The following ANKHD1 variants were observed in gnomAD, a reference collection of about 807,000 sequenced individuals.
The protein encoded by ANKHD1 is ankyrin repeat and KH domain containing 1.
ANKHD1 carries 31 observed loss-of-function variants against 230.5 expected under a neutral mutation model. The ratio of observed to expected loss-of-function variants is 0.13; its 90% CI spans 0.10 to 0.18. The LOEUF is 0.18. Among genes scored for constraint, ANKHD1 ranks in the 10% least tolerant of loss-of-function variants. The pLI, the probability that ANKHD1 is intolerant of heterozygous loss-of-function variation, is 1.00. For synonymous variants in ANKHD1, 1,074 were observed against 1,117.6 expected, an observed-to-expected ratio of 0.96 and a Z score of 0.78; for missense variants, 2,256 against 3,071.3, an observed-to-expected ratio of 0.73 and a Z score of 6.27.
At position 140,537,444 on chromosome 5, in the gene ANKHD1, T is replaced by A. The variant is rs754582350; in HGVS notation, c.7083T>A (p.Asp2361Glu). The A allele has an allele frequency of 6.2e-7, 1 of 1,614,112 alleles. No homozygotes were observed. The highest frequency in any genetic ancestry group is 8.5e-7 in the Non-Finnish European group (1 of 1,180,020). ...CAAAAGGAGTCAGTGCCAGTCAAGA[T>A]CGAAAGATACCTCCCCCAATTGGAA... ...GQPKGVSASQ[D>E]RKIPPPIGTE... The change falls in exon 31 of 34, where the codon GAT (aspartate) becomes GAA (glutamate). Residue 2361 changes from aspartate to glutamate, a missense_variant. By Grantham distance (45) the Asp-to-Glu change is conservative. Coordinates refer to ENST00000360839, the MANE Select transcript of ANKHD1 (RefSeq NM_017747.3).
At chr5:140,461,171 T>C (rs2126972156) in intron 9 of ANKHD1, among the ~76,000 whole-genome samples, 1 of 152,342 alleles carries the variant, frequency 6.6e-6, no homozygotes, top group South Asian at 2.1e-4. Context: ...GTGAGAAATA[T>C]TAAACACATT....
In ANKHD1 at chr5:140,436,132, A is replaced by C. The variant is rs753980454; in HGVS notation, c.335A>C (p.Asp112Ala). 1 of 1,583,070 alleles carries C rather than the reference A, an allele frequency of 6.3e-7. No homozygotes were observed. The highest frequency in any genetic ancestry group is 1.4e-5 in the African/African-American group (1 of 73,322). Residue 112 changes from aspartate to alanine, a missense_variant, in exon 2 of 34, where the codon GAT (aspartate) becomes GCT (alanine). Around this residue, in one of 13 missense-constraint regions of ANKHD1, gnomAD observed 193 missense variants for 185.8 expected, o/e 1.04. Transcript: ENST00000360839. ...GAATCATTTATTTTGGACCAAGAAG[A>C]TCTGGATAACCCAGTGCTTAAAACA... Reference protein sequence around the residue: ...EVESFILDQEDLDNPVLKTTS... With the variant: ...EVESFILDQEALDNPVLKTTS...
intron 2 of ANKHD1, among the ~76,000 whole-genome samples, chr5:140,437,371 A>AAG (rs1247251954): frequency 6.6e-6 from 1 of 152,228 alleles, no homozygotes; most frequent in Non-Finnish European, 1.5e-5. Flanking sequence ...GATTTTTAGA[A>AAG]AGTATTATCA....
intron 15 of ANKHD1, among the ~76,000 whole-genome samples, chr5:140,499,981 G>A (rs1288652832): frequency 6.6e-6 from 1 of 150,962 alleles, no homozygotes; most frequent in Non-Finnish European, 1.5e-5. Context: ...TGATTCTCCT[G>A]CCTCAGCATT....
intron 9 of ANKHD1, among the ~76,000 whole-genome samples, chr5:140,460,704 A>G (rs1267813182): frequency 1.3e-5 from 2 of 151,922 alleles, no homozygotes; most frequent in African/African-American, 4.8e-5. Context: ...TATTTTTTGT[A>G]GAGATGGGAT....
chr5:140,411,137 T>C (rs1384315302), intron 1 of ANKHD1, among the ~76,000 whole-genome samples: 1 of 152,254 alleles, frequency 6.6e-6, no homozygotes, highest in African/African-American at 2.4e-5. Flanking sequence ...GAATTTCTAA[T>C]GAAGCTATTT....
At chr5:140,425,876 C>T (rs1042816085) in intron 1 of ANKHD1, among the ~76,000 whole-genome samples, 1 of 151,982 alleles carries the variant, frequency 6.6e-6, no homozygotes, top group African/African-American at 2.4e-5. Flanking sequence ...TTGTTATGTC[C>T]TTCAGTAATT....
intron 30 of ANKHD1, among the ~76,000 whole-genome samples, chr5:140,536,652 C>T (rs1048505366): frequency 6.6e-6 from 1 of 152,138 alleles, no homozygotes; most frequent in Non-Finnish European, 1.5e-5. Context: ...AAAGAAAAGA[C>T]TAACAAGTAT....
intron 30 of ANKHD1, chr5:140,535,851 G>T: frequency 6.7e-6 from 1 of 149,870 alleles, no homozygotes; most frequent in Non-Finnish European, 1.4e-5. Flanking sequence ...GAGCCCAGCA[G>T]TTGGAGACCA....
chr5:140,514,522 C>T (rs187326092), intron 24 of ANKHD1, among the ~76,000 whole-genome samples: 37 of 152,080 alleles, frequency 2.4e-4, no homozygotes, highest in African/African-American at 8.2e-4. Context: ...CTAGAGTAAA[C>T]GTGTCGCCTA....
chr5:140,502,038 TAAAAAA>T (rs750983725), intron 15 of ANKHD1, among the ~76,000 whole-genome samples: 1 of 132,580 alleles, frequency 7.5e-6, no homozygotes, highest in Admixed American at 7.8e-5. Flanking sequence ...CCTATCTCTT[TAAAAAA>T]AAAAAAAAAA....
chr5:140,508,337 C>CTTA (rs1246806528), intron 20 of ANKHD1, among the ~76,000 whole-genome samples: 8 of 152,276 alleles, frequency 5.3e-5, no homozygotes, highest in African/African-American at 1.7e-4. Context: ...GAGGTATGTG[C>CTTA]TTATCATTGT....
intron 29 of ANKHD1, among the ~76,000 whole-genome samples, chr5:140,532,161 C>T (rs909271408): frequency 5.4e-5 from 8 of 149,404 alleles, no homozygotes; most frequent in African/African-American, 1.5e-4. Context: ...GAGCTGAGAT[C>T]GCGCCACTGC....
chr5:140,535,401 C>T lies in ANKHD1; in HGVS notation c.6890C>T (p.Ser2297Phe). 6.2e-7 allele frequency: 1 copy of T among 1,613,186 alleles called. No individual in the cohort carries two copies. ...SIDPSGSSPS[S>F]SSAPLASFSG... ...GACCCATCAGGCAGCTCCCCATCTT[C>T]CTCTTCTGCTCCTCTGGCAAGTTTT... The change falls in exon 30 of 34, where the codon TCC becomes TTC. Residue 2297 changes from serine to phenylalanine, a missense_variant. Physicochemically the swap from Ser to Phe is radical, Grantham distance 155. This residue lies in a region of ANKHD1 where 778 missense variants were observed against 966.5 expected (regional missense o/e 0.80). Coordinates refer to ENST00000360839, the MANE Select transcript of ANKHD1 (RefSeq NM_017747.3).
At chr5:140,430,176 T>C (rs553206695) in intron 1 of ANKHD1, among the ~76,000 whole-genome samples, 8 of 152,058 alleles carry the variant, frequency 5.3e-5, no homozygotes, top group Non-Finnish European at 1.2e-4. Context: ...AAGACAAAGG[T>C]TTTTGTCTTT....
Position 140,402,118 on chromosome 5 carries a change from G to C in ANKHD1, c.151G>C (p.Gly51Arg). ...IRTVRLFGEA[G>R]PASGVGSSGG... The stretch of plus-strand genomic sequence containing the variant: ...CACCGTGAGGCTCTTTGGGGAGGCC[G>C]GGCCAGCGTCGGGAGTCGGCAGCAG... The change falls in exon 1 of 34, where the codon GGG becomes CGG. Residue 51 changes from glycine (G) to arginine (R), a missense_variant. Physicochemically the swap from Gly to Arg is moderately radical, Grantham distance 125. Transcript: ENST00000360839. The C allele has an allele frequency of 6.5e-7, 1 of 1,539,702 alleles. No homozygotes were observed. Among genetic ancestry groups the C allele is most frequent in the Non-Finnish European group, 8.7e-7 (1 of 1,147,190 alleles).
chr5:140,428,330 C>G (rs1229147436), intron 1 of ANKHD1, among the ~76,000 whole-genome samples: 2 of 152,260 alleles, frequency 1.3e-5, no homozygotes, highest in African/African-American at 4.8e-5. Context: ...CGCCACTGCA[C>G]TCCAGCCTGG....
intron 29 of ANKHD1, among the ~76,000 whole-genome samples, chr5:140,534,403 AAAAG>A (rs1279668381): frequency 6.6e-6 from 1 of 152,118 alleles, no homozygotes. Flanking sequence ...AAAAAAAAAA[AAAAG>A]AAATGGAAAT....
At position 140,534,814 on chromosome 5, in the gene ANKHD1, T is replaced by G. The variant is rs370954742; in HGVS notation, c.6851-548T>G. 4.3e-4 allele frequency among the ~76,000 whole-genome samples: 65 copies of G among 152,336 alleles called. 1 individual carries two copies. Among genetic ancestry groups the G allele is most frequent in the African/African-American group, 1.5e-3 (63 of 41,586 alleles). On this transcript the variant is annotated intron_variant, in intron 29 of 33. Transcript: ENST00000360839. ...GATTTATACAAACTAGATAGAAACT[T>G]TGATAATAGTTTGCAACTGTTGATA... is the stretch of plus-strand genomic sequence containing the variant.
Sources: allele counts gnomAD v4.1 joint callset (sites outside exome capture counted in the v4.1 genomes callset), GRCh38; gene constraint gnomAD v4.1.1; regional missense constraint gnomAD v4.1.1; transcripts MANE v1.5; gene names NCBI Gene and HGNC (gene_info 2026-07-23, HGNC 2026-07-21).